The following TBP variants were observed in gnomAD, a reference collection of about 807,000 sequenced individuals.
TBP encodes TATA-box binding protein, also known as TATA-box-binding protein.
Under a neutral mutation model 46.2 loss-of-function variants are expected in TBP, and 12 were observed. The ratio of observed to expected loss-of-function variants is 0.26; its 90% confidence interval spans 0.17 to 0.42. TBP has a LOEUF of 0.42. Ranked by LOEUF, TBP falls within the 10% of genes least tolerant of loss-of-function variation. TBP has a pLI of 1.00. For synonymous variants in TBP, 157 were observed against 148.3 expected (o/e 1.06, Z -0.42); for missense variants, 229 against 403.1 (o/e 0.57, Z 3.70).
chr6:170,555,728 C>T (rs1779011215), intron 1 of TBP, among the ~76,000 whole-genome samples: 1 of 152,158 alleles, frequency 6.6e-6, no homozygotes, highest in African/African-American at 2.4e-5. Flanking sequence ...GTATTCCAGG[C>T]ATAGTGCTAG....
intron 5 of TBP, among the ~76,000 whole-genome samples, chr6:170,568,609 C>G (rs778134510): frequency 5.9e-5 from 9 of 151,690 alleles, no homozygotes; most frequent in Non-Finnish European, 1.3e-4. Context: ...TGCCCACCAC[C>G]ATGCCTGGCT....
intron 4 of TBP, 136 bp from the exon 5 acceptor site, chr6:170,566,782 A>T: frequency 1.7e-6 from 1 of 605,592 alleles, no homozygotes; most frequent in Non-Finnish European, 2.9e-6. Context: ...ATACAGAAAT[A>T]CAGAACAAAT....
intron 1 of TBP, among the ~76,000 whole-genome samples, chr6:170,555,858 C>T (rs1241540564): frequency 6.6e-6 from 1 of 152,176 alleles, no homozygotes; most frequent in African/African-American, 2.4e-5. Flanking sequence ...TCATATTGAA[C>T]ACTTTGATGC....
intron 3 of TBP, 96 bp from the exon 4 acceptor site, chr6:170,564,445 CCTGG>C: frequency 1.3e-6 from 1 of 756,834 alleles, no homozygotes; most frequent in South Asian, 1.8e-5. Context: ...AAAAGTAAAG[CCTGG>C]TTGAAATAAT....
At position 170,554,460 on chromosome 6, in the gene TBP, C is replaced by T. The variant is rs1313874201; in HGVS notation, c.-152C>T. The T allele has an allele frequency of 6.6e-6, 1 of 152,538 alleles. No individual in the cohort carries two copies. The highest frequency in any genetic ancestry group is 2.4e-5 in the African/African-American group (1 of 41,472). 9.4% of individuals were successfully genotyped at this position (152,538 alleles called of 1,614,324 possible). On this transcript the variant is annotated 5_prime_UTR_variant, in exon 1 of 8. Transcript: ENST00000392092. ...GGCCCATAGTGATCTTTGCAGTGAC[C>T]CAGGTAACAGATTGTACTCTTTTCT...
In TBP at chr6:170,562,026, T is replaced by C; in HGVS notation, c.290T>C (p.Val97Ala). ...QQQQQQQQQA[V>A]AAAAVQQSTS... ...CAGCAGCAGCAGCAGCAACAGGCAG[T>C]GGCAGCTGCAGCCGTTCAGCAGTCA... The change falls in exon 3 of 8, where the codon GTG becomes GCG. Residue 97 changes from valine (V) to alanine (A), a missense_variant. Val to Ala is a moderately conservative substitution (Grantham distance 64, BLOSUM62 0). Transcript: ENST00000392092. 7 of 1,609,054 alleles carry C rather than the reference T, an allele frequency of 4.4e-6. No homozygotes were observed. Among genetic ancestry groups the C allele is most frequent in the East Asian group, 2.2e-5 (1 of 44,610 alleles).
At chr6:170,562,350 T>C in intron 3 of TBP, 117 bp downstream of exon 3, 1 of 1,190,966 alleles carries the variant, frequency 8.4e-7, no homozygotes, top group Non-Finnish European at 1.2e-6. Context: ...ACGGTAATTG[T>C]GTATCAAAAT....
intron 4 of TBP, 81 bp downstream of exon 4, chr6:170,564,713 G>T (rs766030247): frequency 1.0e-6 from 1 of 953,960 alleles, no homozygotes. Flanking sequence ...TGTATTTCAC[G>T]CTATAAAACA....
intron 2 of TBP, among the ~76,000 whole-genome samples, chr6:170,558,278 CTG>C (rs1779070857): frequency 6.6e-6 from 1 of 152,216 alleles, no homozygotes. Flanking sequence ...AACTGCCAAA[CTG>C]TTTTTTGAAG....
intron 1 of TBP, among the ~76,000 whole-genome samples, chr6:170,555,631 A>G (rs1324174554): frequency 6.6e-6 from 1 of 152,140 alleles, no homozygotes; most frequent in East Asian, 1.9e-4. Flanking sequence ...TTGTGAAAAC[A>G]CTGCGCTCTC....
chr6:170,564,582 G>T lies in TBP; in HGVS notation c.535G>T (p.Asp179Tyr). The T allele has an allele frequency of 6.2e-7, 1 of 1,610,020 alleles. No individual in the cohort carries two copies. Among genetic ancestry groups the T allele is most frequent in the South Asian group, 1.1e-5 (1 of 90,370 alleles). The change falls in exon 4 of 8, where the codon GAC becomes TAC. Residue 179 changes from aspartate to tyrosine, a missense_variant. This residue lies in a region of TBP where 67 missense variants were observed against 188.2 expected (regional missense o/e 0.36). Transcript: ENST00000392092. ...CACAGTGAATCTTGGTTGTAAACTT[G>T]ACCTAAAGACCATTGCACTTCGTGC... Reference protein sequence around the residue: ...VSTVNLGCKLDLKTIALRARN... With the variant: ...VSTVNLGCKLYLKTIALRARN...
At chr6:170,560,344 AT>A (rs1237773339) in intron 2 of TBP, among the ~76,000 whole-genome samples, 1 of 152,044 alleles carries the variant, frequency 6.6e-6, no homozygotes, top group Non-Finnish European at 1.5e-5. Context: ...ACAAAAAAAA[AT>A]TTTTTTTTAA....
chr6:170,557,676 C>A (rs1779054126), intron 2 of TBP, among the ~76,000 whole-genome samples: 2 of 125,752 alleles, frequency 1.6e-5, no homozygotes, highest in Non-Finnish European at 3.1e-5. Context: ...GTGGAGGTTG[C>A]AGTGAGCAGA....
At chr6:170,561,461 G>C (rs1280558378) in intron 2 of TBP, among the ~76,000 whole-genome samples, 1 of 152,062 alleles carries the variant, frequency 6.6e-6, no homozygotes, top group Non-Finnish European at 1.5e-5. Context: ...CTGTTTACCA[G>C]TCCTTTCTCA....
intron 2 of TBP, among the ~76,000 whole-genome samples, chr6:170,557,693 G>GC (rs1460171549): frequency 1.7e-5 from 2 of 120,228 alleles, no homozygotes; most frequent in Non-Finnish European, 3.2e-5. Context: ...CAGAGGTCGT[G>GC]CCACTGCACT....
chr6:170,561,795 C>T lies in TBP; in HGVS notation c.59C>T (p.Ala20Val), dbSNP rs758309293. The T allele has an allele frequency of 6.2e-7, 1 of 1,607,986 alleles. No individual in the cohort carries two copies. The highest frequency in any genetic ancestry group is 8.5e-7 in the Non-Finnish European group (1 of 1,174,840). ...TTTTCTCCTTGCTTTCCACAGGGTG[C>T]CATGACTCCCGGAATCCCTATCTTT... ...YAQGLASPQG[A>V]MTPGIPIFSP... Residue 20 changes from alanine to valine, a missense_variant, in exon 3 of 8, where the codon GCC becomes GTC. By Grantham distance (64) the Ala-to-Val change is moderately conservative. This residue lies in a region of TBP where 49 missense variants were observed against 94.7 expected (regional missense o/e 0.52). Transcript: ENST00000392092.
At chr6:170,560,850 A>G (rs1333379164) in intron 2 of TBP, among the ~76,000 whole-genome samples, 2 of 152,208 alleles carry the variant, frequency 1.3e-5, no homozygotes, top group African/African-American at 4.8e-5. Flanking sequence ...CTTGAGATAG[A>G]ATTGACTCCT....
chr6:170,556,500 A>T (rs1779031811), intron 1 of TBP, among the ~76,000 whole-genome samples: 1 of 152,178 alleles, frequency 6.6e-6, no homozygotes, highest in Non-Finnish European at 1.5e-5. Flanking sequence ...ATATTTAAAG[A>T]TCTAAACTTT....
intron 3 of TBP, among the ~76,000 whole-genome samples, chr6:170,563,186 A>G (rs981339192): frequency 1.1e-4 from 17 of 152,150 alleles, no homozygotes; most frequent in African/African-American, 3.9e-4. Flanking sequence ...TACCACTCCC[A>G]TGTGTCCAGC....
Sources: allele counts gnomAD v4.1 joint callset (sites outside exome capture counted in the v4.1 genomes callset), GRCh38; gene constraint gnomAD v4.1.1; regional missense constraint gnomAD v4.1.1; transcripts MANE v1.5; gene names NCBI Gene and HGNC (gene_info 2026-07-23, HGNC 2026-07-21).